The following IQGAP2 variants were observed in gnomAD, a reference collection of about 807,000 sequenced individuals.
IQGAP2 encodes ras GTPase-activating-like protein IQGAP2.
IQGAP2 carries 173 observed loss-of-function variants against 201.3 expected under a neutral mutation model. That is an observed-to-expected ratio of 0.86 (90% CI 0.76 to 0.98). IQGAP2 has a LOEUF of 0.98. IQGAP2 is among the 50% of genes least tolerant of loss of function. IQGAP2 has a pLI of 0.00. For missense variants in IQGAP2, 1,687 were observed against 1,864.8 expected, an observed-to-expected ratio of 0.90 and a Z score of 1.76; for synonymous variants, 675 against 673.9, an observed-to-expected ratio of 1.00 and a Z score of -0.03.
chr5:76,683,965 A>G, intron 30 of IQGAP2, 48 bp downstream of exon 30: 1 of 1,519,286 alleles, frequency 6.6e-7, no homozygotes. Flanking sequence ...CACATCTTAA[A>G]TGATGCAAAT....
intron 3 of IQGAP2, among the ~76,000 whole-genome samples, chr5:76,565,141 G>A (rs907385197): frequency 6.6e-6 from 1 of 152,186 alleles, no homozygotes; most frequent in African/African-American, 2.4e-5. Context: ...TCCTGATCTT[G>A]TGTTCTTCAG....
intron 30 of IQGAP2, among the ~76,000 whole-genome samples, chr5:76,692,671 T>G (rs1384107260): frequency 1.3e-5 from 2 of 152,162 alleles, no homozygotes; most frequent in Non-Finnish European, 2.9e-5. Context: ...CTCTTTACTG[T>G]TTACTGAGAA....
intron 3 of IQGAP2, among the ~76,000 whole-genome samples, chr5:76,566,651 A>T (rs1360142067): frequency 6.6e-6 from 1 of 152,162 alleles, no homozygotes; most frequent in African/African-American, 2.4e-5. Context: ...AGAACAAACC[A>T]GAAGGAGGAT....
At position 76,597,855 on chromosome 5, in the gene IQGAP2, T is replaced by G. The variant is rs117926345; in HGVS notation, c.1071+253T>G. Among the ~76,000 whole-genome samples the G allele has an allele frequency of 5.3e-5, 8 of 152,354 alleles. No individual in the cohort carries two copies. In the East Asian group the frequency reaches 1.5e-3, roughly 29 times the overall value. The stretch of plus-strand genomic sequence containing the variant: ...TATACATATACCTGTGAAAATAGGT[T>G]GTTCTTATTTTCTGTGTGATATTTG... On this transcript the variant is annotated intron_variant, in intron 10 of 35. Coordinates refer to ENST00000274364, the MANE Select transcript of IQGAP2 (RefSeq NM_006633.5).
At chr5:76,700,804 A>G (rs1402495355) in intron 33 of IQGAP2, among the ~76,000 whole-genome samples, 1 of 152,224 alleles carries the variant, frequency 6.6e-6, no homozygotes, top group African/African-American at 2.4e-5. Flanking sequence ...GGTTCAATAT[A>G]CCTGAGAAAA....
chr5:76,413,597 A>G lies in IQGAP2; in HGVS notation c.46+10006A>G, dbSNP rs138856859. ...TATACTTAAAAAACTAGTATGTTCT[A>G]TTGTTTCCAGATATAGCCGAGGTGG... On this transcript the variant is annotated intron_variant, in intron 1 of 35. Transcript: ENST00000274364. Among the ~76,000 whole-genome samples, 94 of 147,908 alleles carry G rather than the reference A, an allele frequency of 6.4e-4. No individual in the cohort carries two copies. In the South Asian group the frequency reaches 9.9e-3, roughly 16 times the overall value.
chr5:76,692,063 C>T (rs1746307948), intron 30 of IQGAP2, among the ~76,000 whole-genome samples: 1 of 152,186 alleles, frequency 6.6e-6, no homozygotes, highest in South Asian at 2.1e-4. Flanking sequence ...AGTGAAACTT[C>T]AGATGTCAAT....
intron 1 of IQGAP2, among the ~76,000 whole-genome samples, chr5:76,451,364 G>T (rs986787775): frequency 1.2e-4 from 19 of 152,060 alleles, no homozygotes; most frequent in Non-Finnish European, 2.4e-4. Context: ...TGTCACACAG[G>T]CTTGCTGCAG....
At chr5:76,422,737 G>A (rs1751794631) in intron 1 of IQGAP2, among the ~76,000 whole-genome samples, 1 of 152,200 alleles carries the variant, frequency 6.6e-6, no homozygotes, top group African/African-American at 2.4e-5. Context: ...AAGGAGGCAT[G>A]TACACACAGC....
chr5:76,567,494 G>A (rs1744836161), intron 3 of IQGAP2, among the ~76,000 whole-genome samples: 1 of 152,188 alleles, frequency 6.6e-6, no homozygotes, highest in South Asian at 2.1e-4. Flanking sequence ...GGCACAAAAT[G>A]ATCCATGCAG....
intron 2 of IQGAP2, 43 bp from the exon 3 acceptor site, chr5:76,562,353 C>T (rs1173599871): frequency 4.1e-6 from 6 of 1,465,878 alleles, no homozygotes; most frequent in Non-Finnish European, 4.7e-6. Context: ...CAGAAAGTTA[C>T]CCAACTGGAA....
intron 29 of IQGAP2, 51 bp downstream of exon 29, chr5:76,683,268 G>T (rs571155127): frequency 4.1e-6 from 5 of 1,211,110 alleles, no homozygotes; most frequent in Non-Finnish European, 2.4e-6. Flanking sequence ...TAATTGGGTG[G>T]GTTGGTTGGT....
chr5:76,420,331 A>T (rs1486717562), intron 1 of IQGAP2, among the ~76,000 whole-genome samples: 1 of 150,934 alleles, frequency 6.6e-6, no homozygotes, highest in Non-Finnish European at 1.5e-5. Context: ...TATTAAGTAC[A>T]TTCACATTGT....
At chr5:76,698,386 G>A (rs10514071) in intron 33 of IQGAP2, among the ~76,000 whole-genome samples, 24,669 of 152,116 alleles carry the variant, frequency 0.16, 2,509 homozygotes, top group South Asian at 0.37. Flanking sequence ...TGTATATTGA[G>A]CAAATAGCAT....
At chr5:76,521,629 G>T (rs1758688848) in intron 2 of IQGAP2, among the ~76,000 whole-genome samples, 1 of 152,216 alleles carries the variant, frequency 6.6e-6, no homozygotes, top group Admixed American at 6.5e-5. Context: ...TGTAGAGAAA[G>T]CTCTTAGGAA....
intron 1 of IQGAP2, among the ~76,000 whole-genome samples, chr5:76,415,721 C>T (rs892981274): frequency 3.9e-5 from 6 of 152,190 alleles, no homozygotes; most frequent in African/African-American, 1.4e-4. Flanking sequence ...GCAGGCAGAT[C>T]ACTGGAGGCC....
intron 2 of IQGAP2, among the ~76,000 whole-genome samples, chr5:76,517,517 T>C (rs1268645294): frequency 6.6e-6 from 1 of 151,526 alleles, no homozygotes; most frequent in East Asian, 1.9e-4. Context: ...TGAGTCTGAG[T>C]TGGGAGGATC....
Position 76,654,283 on chromosome 5 carries a change from G to A in IQGAP2, c.2250+12G>A. On this transcript the variant is annotated intron_variant, in intron 19 of 35. Coordinates refer to ENST00000274364, the MANE Select transcript of IQGAP2 (RefSeq NM_006633.5). ...ATTTCAGAGATCATGTAAGAAAAAT[G>A]CCTGTGGGATTTTATCCAGGTTGAT... 1 of 1,561,524 alleles carries A rather than the reference G, an allele frequency of 6.4e-7. No individual in the cohort carries two copies.
intron 1 of IQGAP2, among the ~76,000 whole-genome samples, chr5:76,454,012 G>C (rs1753920624): frequency 6.6e-6 from 1 of 152,212 alleles, no homozygotes; most frequent in African/African-American, 2.4e-5. Context: ...GGAGGACAGA[G>C]TGTATAGGAG....
Sources: allele counts gnomAD v4.1 joint callset (sites outside exome capture counted in the v4.1 genomes callset), GRCh38; gene constraint gnomAD v4.1.1; transcripts MANE v1.5; gene names NCBI Gene and HGNC (gene_info 2026-07-23, HGNC 2026-07-21).